Variants in CTNNA3 observed in about 807,000 individuals in gnomAD.
CTNNA3 encodes catenin alpha 3.
A neutral mutation model predicts 95.7 loss-of-function variants in CTNNA3; 76 were observed. That is an observed-to-expected ratio of 0.79 (90% CI 0.66 to 0.96). The LOEUF (loss-of-function observed/expected upper bound fraction) is 0.96, where lower values mean the gene tolerates loss of function less well. Among genes scored for constraint, CTNNA3 ranks in the 40% least tolerant of loss-of-function variants. The pLI is 0.00. For missense variants in CTNNA3, 1,191 were observed against 1,089.8 expected (o/e 1.09, Z -1.31); for synonymous variants, 431 against 374.4 (o/e 1.15, Z -1.74).
intron 13 of CTNNA3, among the ~76,000 whole-genome samples, chr10:66,267,909 A>G (rs556968467): frequency 3.2e-4 from 48 of 152,274 alleles, no homozygotes; most frequent in African/African-American, 1.1e-3. Context: ...TATTCTATTC[A>G]CTAAAATATT....
intron 15 of CTNNA3, among the ~76,000 whole-genome samples, chr10:66,035,757 T>C (rs2079550049): frequency 6.6e-6 from 1 of 152,130 alleles, no homozygotes; most frequent in Non-Finnish European, 1.5e-5. Flanking sequence ...TAGCCTAGCA[T>C]AAGGCCTGGC....
At chr10:67,406,568 A>G (rs745531981) in intron 5 of CTNNA3, among the ~76,000 whole-genome samples, 1 of 152,158 alleles carries the variant, frequency 6.6e-6, no homozygotes, top group Non-Finnish European at 1.5e-5. Flanking sequence ...TAAATAACCA[A>G]AAGCAGAGCT....
chr10:66,761,545 T>A (rs1303411465), intron 9 of CTNNA3, among the ~76,000 whole-genome samples: 1 of 152,168 alleles, frequency 6.6e-6, no homozygotes, highest in African/African-American at 2.4e-5. Flanking sequence ...GTGCTCAGCA[T>A]GAATTGACTT....
chr10:67,372,406 C>G (rs977317192), intron 5 of CTNNA3, among the ~76,000 whole-genome samples: 1 of 151,588 alleles, frequency 6.6e-6, no homozygotes, highest in Non-Finnish European at 1.5e-5. Context: ...TGAAATGAAG[C>G]GTGAAGAGAA....
At chr10:66,516,637 C>T (rs1386385972) in intron 11 of CTNNA3, among the ~76,000 whole-genome samples, 1 of 152,118 alleles carries the variant, frequency 6.6e-6, no homozygotes, top group Non-Finnish European at 1.5e-5. Context: ...CTCCCTCTGG[C>T]TTCTAGTCAG....
At chr10:66,572,787 A>G (rs1248254641) in intron 10 of CTNNA3, among the ~76,000 whole-genome samples, 3 of 152,168 alleles carry the variant, frequency 2.0e-5, no homozygotes, top group Non-Finnish European at 4.4e-5. Context: ...CTTGAGGAAG[A>G]TGTTTCCTTC....
At chr10:67,370,334 G>T (rs1368222126) in intron 5 of CTNNA3, among the ~76,000 whole-genome samples, 3 of 151,786 alleles carry the variant, frequency 2.0e-5, no homozygotes, top group Non-Finnish European at 1.5e-5. Flanking sequence ...ATTTATTTCT[G>T]ATATTTTGTT....
At chr10:66,197,815 G>C (rs578216305) in intron 13 of CTNNA3, among the ~76,000 whole-genome samples, 3 of 152,248 alleles carry the variant, frequency 2.0e-5, no homozygotes, top group African/African-American at 7.2e-5. Context: ...ACAAACACCA[G>C]CTTCATGTAA....
intron 7 of CTNNA3, among the ~76,000 whole-genome samples, chr10:66,986,794 G>C (rs961765423): frequency 9.2e-5 from 14 of 152,096 alleles, no homozygotes; most frequent in African/African-American, 3.1e-4. Flanking sequence ...TAACACATAT[G>C]ATAGTCAATC....
intron 15 of CTNNA3, among the ~76,000 whole-genome samples, chr10:66,047,737 T>C (rs529543132): frequency 1.3e-5 from 2 of 152,120 alleles, no homozygotes; most frequent in Non-Finnish European, 2.9e-5. Flanking sequence ...AACCCCAAAG[T>C]GTCAGCCCAA....
At chr10:66,902,873 G>C (rs1376248130) in intron 7 of CTNNA3, among the ~76,000 whole-genome samples, 1 of 151,512 alleles carries the variant, frequency 6.6e-6, no homozygotes, top group Non-Finnish European at 1.5e-5. Flanking sequence ...TTCTGAAATT[G>C]TGGCAATAAT....
At chr10:66,365,773 T>C (rs535247023) in intron 12 of CTNNA3, among the ~76,000 whole-genome samples, 2 of 126,902 alleles carry the variant, frequency 1.6e-5, no homozygotes, top group Admixed American at 8.2e-5. Context: ...TCTCTCTCTC[T>C]CTCTCTCTCA....
intron 1 of CTNNA3, among the ~76,000 whole-genome samples, chr10:67,695,739 C>G (rs1016980076): frequency 6.6e-6 from 1 of 152,166 alleles, no homozygotes; most frequent in Non-Finnish European, 1.5e-5. Context: ...CAGAAACTCT[C>G]TGAATGCAAA....
intron 3 of CTNNA3, among the ~76,000 whole-genome samples, chr10:67,558,059 T>C (rs1303051319): frequency 6.6e-6 from 1 of 152,218 alleles, no homozygotes; most frequent in Non-Finnish European, 1.5e-5. Context: ...AAGAAGAGTC[T>C]TGGAAATGTA....
At chr10:66,603,362 C>T (rs1009854248) in intron 10 of CTNNA3, among the ~76,000 whole-genome samples, 2 of 151,936 alleles carry the variant, frequency 1.3e-5, no homozygotes, top group African/African-American at 2.4e-5. Context: ...ATATATCACA[C>T]ATAAGAATAA....
chr10:66,313,363 C>T (rs1418407415), intron 12 of CTNNA3, among the ~76,000 whole-genome samples: 2 of 152,208 alleles, frequency 1.3e-5, no homozygotes, highest in East Asian at 3.9e-4. Flanking sequence ...AACTTACCAA[C>T]TCTTCACCAT....
intron 3 of CTNNA3, among the ~76,000 whole-genome samples, chr10:67,563,427 C>G (rs1213739119): frequency 6.6e-6 from 1 of 152,160 alleles, no homozygotes; most frequent in African/African-American, 2.4e-5. Flanking sequence ...GCTGGGAAAA[C>G]AGGCTAGCCA....
chr10:66,048,253 G>A (rs2079871679), intron 15 of CTNNA3, among the ~76,000 whole-genome samples: 1 of 152,188 alleles, frequency 6.6e-6, no homozygotes, highest in Admixed American at 6.5e-5. Context: ...AATCAAAAAT[G>A]CATGGTACTG....
intron 2 of CTNNA3, among the ~76,000 whole-genome samples, chr10:67,626,998 TC>T (rs1564792481): frequency 6.6e-6 from 1 of 152,242 alleles, no homozygotes; most frequent in Non-Finnish European, 1.5e-5. Context: ...GGTCTACTGG[TC>T]ACACAGGTTT....
Sources: allele counts gnomAD v4.1 joint callset (sites outside exome capture counted in the v4.1 genomes callset), GRCh38; gene constraint gnomAD v4.1.1; transcripts MANE v1.5; gene names NCBI Gene and HGNC (gene_info 2026-07-23, HGNC 2026-07-21).